PLAAT3: variants seen among roughly 807,000 people sequenced by gnomAD.
PLAAT3 encodes the protein phospholipase A and acyltransferase 3.
Under a neutral mutation model 16.7 loss-of-function variants are expected in PLAAT3, and 21 were observed. The ratio of observed to expected loss-of-function variants is 1.26; its 90% CI spans 0.89 to 1.81. The LOEUF is 1.81. PLAAT3 is among the 40% of genes most tolerant of loss of function. The probability of loss-of-function intolerance (pLI) is 0.00; values close to 1 mark genes in which losing one functional copy is unlikely to be tolerated. For missense variants in PLAAT3, 219 were observed against 213.7 expected (o/e 1.02, Z -0.16); for synonymous variants, 76 against 81.7 (o/e 0.93, Z 0.38).
intron 4 of PLAAT3, among the ~76,000 whole-genome samples, chr11:63,583,433 T>C (rs1271811029): frequency 1.3e-5 from 2 of 152,226 alleles, no homozygotes; most frequent in Non-Finnish European, 2.9e-5. Flanking sequence ...AAACAAAAGC[T>C]GATGCAACTG....
intron 4 of PLAAT3, among the ~76,000 whole-genome samples, chr11:63,589,383 C>T (rs1304179080): frequency 7.0e-6 from 1 of 143,386 alleles, no homozygotes; most frequent in Non-Finnish European, 1.5e-5. Flanking sequence ...CATGTAAGAA[C>T]CTTCCCAATG....
At chr11:63,585,806 A>G (rs1472174058) in intron 4 of PLAAT3, among the ~76,000 whole-genome samples, 3 of 152,166 alleles carry the variant, frequency 2.0e-5, no homozygotes, top group Admixed American at 1.3e-4. Flanking sequence ...GATGTGTTCA[A>G]TTTGCATTGT....
intron 3 of PLAAT3, among the ~76,000 whole-genome samples, chr11:63,591,565 T>C (rs1254499910): frequency 2.0e-5 from 3 of 152,120 alleles, no homozygotes; most frequent in Admixed American, 6.5e-5. Context: ...TCTTCAACAA[T>C]GACATCCGTG....
intron 4 of PLAAT3, among the ~76,000 whole-genome samples, chr11:63,578,061 T>A (rs113388414): frequency 6.6e-6 from 1 of 152,114 alleles, no homozygotes; most frequent in African/African-American, 2.4e-5. Flanking sequence ...GGCAGGCAGA[T>A]TGCTTGAGCT....
intron 2 of PLAAT3, among the ~76,000 whole-genome samples, chr11:63,606,287 T>TA (rs1938557182): frequency 6.6e-6 from 1 of 151,962 alleles, no homozygotes; most frequent in Admixed American, 6.6e-5. Flanking sequence ...AAAAGGTTTT[T>TA]AAAAAAATAC....
At chr11:63,616,763 C>G (rs1297576759), upstream of PLAAT3, 2 of 151,834 alleles carry the variant, frequency 1.3e-5, no homozygotes, top group African/African-American at 2.4e-5. Flanking sequence ...GCGGGTGGAT[C>G]ACGAGGTCAG....
upstream of PLAAT3, among the ~76,000 whole-genome samples, chr11:63,615,160 GTATATA>G (rs1180737082): frequency 5.1e-5 from 2 of 39,132 alleles, no homozygotes; most frequent in Non-Finnish European, 7.9e-5. Flanking sequence ...GTATATATGT[GTATATA>G]TGTGTGTATA....
At chr11:63,615,280 A>G (rs374863965), upstream of PLAAT3, among the ~76,000 whole-genome samples, 5 of 63,130 alleles carry the variant, frequency 7.9e-5, no homozygotes, top group African/African-American at 1.8e-4. Context: ...ATATATGTGT[A>G]TATATGTGTA....
intron 4 of PLAAT3, among the ~76,000 whole-genome samples, chr11:63,588,183 C>T (rs1434447511): frequency 6.6e-6 from 1 of 152,120 alleles, no homozygotes; most frequent in African/African-American, 2.4e-5. Flanking sequence ...GATTCTCTTG[C>T]CTCAGCCTCC....
At chr11:63,612,001 G>A (rs536478477) in intron 2 of PLAAT3, among the ~76,000 whole-genome samples, 92 of 152,322 alleles carry the variant, frequency 6.0e-4, no homozygotes, top group African/African-American at 2.1e-3. Context: ...AGCCAGGCGC[G>A]GTGGCGCATG....
At chr11:63,601,988 A>AAC (rs1193635984) in intron 2 of PLAAT3, among the ~76,000 whole-genome samples, 5 of 149,830 alleles carry the variant, frequency 3.3e-5, no homozygotes, top group Non-Finnish European at 5.9e-5. Flanking sequence ...CTCAAAAAAA[A>AAC]AAAAAAAAAC....
intron 4 of PLAAT3, among the ~76,000 whole-genome samples, chr11:63,585,942 C>T (rs534723035): frequency 2.6e-5 from 4 of 152,194 alleles, no homozygotes; most frequent in South Asian, 4.1e-4. Flanking sequence ...TATGGCCAGG[C>T]GCAGTGGCTC....
At position 63,601,276 on chromosome 11, in the gene PLAAT3, G is replaced by A. The variant is rs139123193; in HGVS notation, c.16-3113C>T. 9.3e-3 allele frequency among the ~76,000 whole-genome samples: 1,409 copies of A among 151,002 alleles called. 28 individuals are homozygous for A. The highest frequency in any genetic ancestry group is 0.032 in the African/African-American group (1,329 of 41,276). ...TCACCATGTTAGCCATGATGGTCGC[G>A]ATCTCCTGACCTTGTGATCCGCCAG... On this transcript the variant is annotated intron_variant, in intron 2 of 4. Transcript: ENST00000415826.
upstream of PLAAT3, among the ~76,000 whole-genome samples, chr11:63,615,026 ATG>A (rs1194487803): frequency 0.04 from 574 of 14,408 alleles, 203 homozygotes; most frequent in East Asian, 0.5. Flanking sequence ...AAATATATAT[ATG>A]TGTGTATATA....
chr11:63,603,699 A>C (rs1938486997), intron 2 of PLAAT3, among the ~76,000 whole-genome samples: 1 of 126,236 alleles, frequency 7.9e-6, no homozygotes, highest in South Asian at 2.7e-4. Context: ...TAAGTAAATT[A>C]TCCTACACAC....
chr11:63,615,430 G>A (rs61929729), upstream of PLAAT3, among the ~76,000 whole-genome samples: 68,599 of 75,624 alleles, frequency 0.91, 32,447 homozygotes, highest in Non-Finnish European at 1. Context: ...GTGTGTGTGT[G>A]TATATACACA....
chr11:63,586,895 C>T (rs887120494), intron 4 of PLAAT3, among the ~76,000 whole-genome samples: 1 of 152,160 alleles, frequency 6.6e-6, no homozygotes. Context: ...ACCAGCCTGG[C>T]CGATATGGGG....
chr11:63,577,109 T>TA lies in PLAAT3; in HGVS notation c.388-2064dup, dbSNP rs539429540. ...ATTTGTTAACTATTTTAGTTTACACTAAGTAATGTGAGTTGGTTTTCTTTG... is the reference window on the plus strand; with the variant it reads ...ATTTGTTAACTATTTTAGTTTACACTAAAGTAATGTGAGTTGGTTTTCTTTG... On this transcript the variant is annotated intron_variant, in intron 4 of 4. Coordinates refer to ENST00000415826, the MANE Select transcript of PLAAT3 (RefSeq NM_001128203.2). Among the ~76,000 whole-genome samples the TA allele has an allele frequency of 3.0e-4, 45 of 152,066 alleles. 2 individuals are homozygous for TA. In the South Asian group the frequency reaches 9.3e-3, roughly 32 times the overall value.
chr11:63,586,826 G>A (rs1937991510), intron 4 of PLAAT3, among the ~76,000 whole-genome samples: 1 of 152,196 alleles, frequency 6.6e-6, no homozygotes, highest in African/African-American at 2.4e-5. Flanking sequence ...GCTCACGCCT[G>A]TAATCTTAGC....
Sources: allele counts gnomAD v4.1 joint callset (sites outside exome capture counted in the v4.1 genomes callset), GRCh38; gene constraint gnomAD v4.1.1; transcripts MANE v1.5; gene names NCBI Gene and HGNC (gene_info 2026-07-23, HGNC 2026-07-21).